Variants in MKLN1 observed in about 807,000 individuals in gnomAD.
The protein encoded by MKLN1 is muskelin 1.
Under a neutral mutation model 99.0 loss-of-function variants are expected in MKLN1, and 18 were observed. The observed-to-expected ratio is 0.18, with a 90% CI of 0.13 to 0.27. MKLN1 has a LOEUF of 0.27. Among genes scored for constraint, MKLN1 ranks in the 10% least tolerant of loss-of-function variants. The pLI is 1.00. For missense variants in MKLN1, 621 were observed against 875.9 expected, an observed-to-expected ratio of 0.71 and a Z score of 3.67; for synonymous variants, 288 against 293.2, an observed-to-expected ratio of 0.98 and a Z score of 0.18.
intron 1 of MKLN1, among the ~76,000 whole-genome samples, chr7:131,359,931 A>C (rs1180402273): frequency 6.6e-6 from 1 of 151,838 alleles, no homozygotes; most frequent in Non-Finnish European, 1.5e-5. Context: ...GTAAAATTAA[A>C]ACATGTACTT....
chr7:131,138,770 T>G (rs892209338), intron 1 of MKLN1, among the ~76,000 whole-genome samples: 5 of 152,096 alleles, frequency 3.3e-5, no homozygotes, highest in African/African-American at 4.8e-5. Context: ...GCAGAAATAG[T>G]GTATTTATAT....
At chr7:131,424,652 A>C (rs1795305350) in intron 8 of MKLN1, among the ~76,000 whole-genome samples, 2 of 152,306 alleles carry the variant, frequency 1.3e-5, no homozygotes, top group East Asian at 3.9e-4. Context: ...ACTGGTACCA[A>C]ATTGGTACAT....
At chr7:131,208,918 G>C (rs1262709834) in intron 3 of MKLN1, among the ~76,000 whole-genome samples, 1 of 152,194 alleles carries the variant, frequency 6.6e-6, no homozygotes, top group African/African-American at 2.4e-5. Flanking sequence ...GCAATGCAGA[G>C]CAATATAATA....
intron 1 of MKLN1, among the ~76,000 whole-genome samples, chr7:131,126,769 G>T (rs1487384062): frequency 1.3e-5 from 2 of 152,208 alleles, no homozygotes; most frequent in Non-Finnish European, 2.9e-5. Context: ...GGCCAGGCTG[G>T]TCTTGAACTC....
intron 3 of MKLN1, among the ~76,000 whole-genome samples, chr7:131,276,032 G>A (rs763845201): frequency 2.6e-5 from 4 of 152,190 alleles, no homozygotes; most frequent in Non-Finnish European, 4.4e-5. Flanking sequence ...AAGAAGGGAG[G>A]TGCTAGACTG....
chr7:131,262,837 C>A (rs559702672), intron 3 of MKLN1, among the ~76,000 whole-genome samples: 1 of 152,190 alleles, frequency 6.6e-6, no homozygotes, highest in African/African-American at 2.4e-5. Context: ...TGAGCCACCA[C>A]CCCCAGCCTG....
chr7:131,217,148 TATATAA>T (rs1563255614), intron 3 of MKLN1, among the ~76,000 whole-genome samples: 1 of 152,262 alleles, frequency 6.6e-6, no homozygotes, highest in Non-Finnish European at 1.5e-5. Flanking sequence ...ACTAGCTTAG[TATATAA>T]ATATAATCAA....
intron 1 of MKLN1, among the ~76,000 whole-genome samples, chr7:131,130,306 A>G (rs551635667): frequency 6.6e-6 from 1 of 152,362 alleles, no homozygotes; most frequent in Non-Finnish European, 1.5e-5. Flanking sequence ...AAAATGGTGG[A>G]TTCCAGAACC....
At chr7:131,349,177 A>G (rs1799646795) in intron 1 of MKLN1, among the ~76,000 whole-genome samples, 1 of 148,114 alleles carries the variant, frequency 6.8e-6, no homozygotes, top group Admixed American at 6.9e-5. Context: ...AGTGCTTAGA[A>G]GCAGTTTGAT....
intron 1 of MKLN1, among the ~76,000 whole-genome samples, chr7:131,115,394 T>A (rs1795259121): frequency 6.6e-6 from 1 of 152,224 alleles, no homozygotes; most frequent in Admixed American, 6.5e-5. Context: ...TCTTTCGGTC[T>A]CCACTGCTAC....
At chr7:131,201,546 A>G (rs1796728116) in intron 2 of MKLN1, among the ~76,000 whole-genome samples, 1 of 152,230 alleles carries the variant, frequency 6.6e-6, no homozygotes. Context: ...TAAAATGAAT[A>G]AGGTTACTGG....
intron 9 of MKLN1, among the ~76,000 whole-genome samples, chr7:131,432,144 T>C (rs1013235887): frequency 1.3e-5 from 2 of 152,224 alleles, no homozygotes; most frequent in African/African-American, 4.8e-5. Context: ...TTAAAATGTA[T>C]GTATTTTAAG....
chr7:131,156,372 C>G (rs1795964119), intron 2 of MKLN1, among the ~76,000 whole-genome samples: 1 of 123,436 alleles, frequency 8.1e-6, no homozygotes, highest in African/African-American at 3.1e-5. Flanking sequence ...CTAAAAAATA[C>G]AAAAAATTAG....
At chr7:131,368,827 GTT>G (rs1439117645) in intron 1 of MKLN1, among the ~76,000 whole-genome samples, 1 of 151,966 alleles carries the variant, frequency 6.6e-6, no homozygotes, top group Admixed American at 6.6e-5. Flanking sequence ...ACTTTTTACT[GTT>G]TTGATAAATA....
At chr7:131,376,487 C>A (rs1793669102) in intron 2 of MKLN1, among the ~76,000 whole-genome samples, 1 of 150,962 alleles carries the variant, frequency 6.6e-6, no homozygotes, top group Admixed American at 6.6e-5. Flanking sequence ...ACTAAAAATA[C>A]AAAAATTAGC....
chr7:131,255,468 T>C (rs10226063), intron 3 of MKLN1, among the ~76,000 whole-genome samples: 12,871 of 152,250 alleles, frequency 0.085, 598 homozygotes, highest in Middle Eastern at 0.14. Context: ...TCTGACTTTC[T>C]CCAAGAACAA....
chr7:131,272,852 CG>C (rs1231851829), intron 3 of MKLN1, among the ~76,000 whole-genome samples: 1 of 152,150 alleles, frequency 6.6e-6, no homozygotes, highest in Non-Finnish European at 1.5e-5. Flanking sequence ...TACCCCTCCC[CG>C]GGTCCCTCCC....
At chr7:131,171,423 T>G (rs575711205) in intron 2 of MKLN1, among the ~76,000 whole-genome samples, 103 of 152,330 alleles carry the variant, frequency 6.8e-4, no homozygotes, top group Non-Finnish European at 1.2e-3. Context: ...CAGTTTTTAC[T>G]GTATGTATAC....
chr7:131,443,143 T>A (rs1479173253), intron 10 of MKLN1, among the ~76,000 whole-genome samples: 12 of 152,198 alleles, frequency 7.9e-5, no homozygotes. Flanking sequence ...GGAATTTTTA[T>A]AAGGAGGGTA....
Sources: allele counts gnomAD v4.1 joint callset (sites outside exome capture counted in the v4.1 genomes callset), GRCh38; gene constraint gnomAD v4.1.1; transcripts MANE v1.5; gene names NCBI Gene and HGNC (gene_info 2026-07-23, HGNC 2026-07-21).